Variants in CDA observed in about 807,000 individuals in gnomAD.
CDA encodes the protein cytidine deaminase.
CDA carries 7 observed loss-of-function variants against 15.0 expected under a neutral mutation model. The ratio of observed to expected loss-of-function variants is 0.47; its 90% CI spans 0.26 to 0.87. CDA has a LOEUF of 0.87. Among genes scored for constraint, CDA ranks in the 40% least tolerant of loss-of-function variants. The pLI, the probability that CDA is intolerant of heterozygous loss-of-function variation, is 0.15. For missense variants in CDA, 159 were observed against 182.7 expected (o/e 0.87, Z 0.75); for synonymous variants, 58 against 73.0 (o/e 0.79, Z 1.05).
intron 2 of CDA, among the ~76,000 whole-genome samples, chr1:20,611,320 G>A (rs1184638251): frequency 6.6e-6 from 1 of 152,212 alleles, no homozygotes; most frequent in Non-Finnish European, 1.5e-5. Flanking sequence ...GAAGGATGGT[G>A]GCTGCTGGCT....
intron 2 of CDA, among the ~76,000 whole-genome samples, chr1:20,605,659 CA>C (rs59282672): frequency 0.16 from 16,402 of 102,726 alleles, 3,784 homozygotes; most frequent in African/African-American, 0.24. Flanking sequence ...GACTCCGTCT[CA>C]AAAAAAAAAA....
intron 1 of CDA, among the ~76,000 whole-genome samples, chr1:20,594,182 C>T (rs2052571932): frequency 6.6e-6 from 1 of 152,248 alleles, no homozygotes; most frequent in Admixed American, 6.5e-5. Flanking sequence ...AATTCAAAAG[C>T]AGGCCTGGCT....
intron 3 of CDA, among the ~76,000 whole-genome samples, chr1:20,617,136 T>G (rs2052819860): frequency 6.6e-6 from 1 of 152,138 alleles, no homozygotes; most frequent in African/African-American, 2.4e-5. Flanking sequence ...TCCTGCATTC[T>G]CCCATCCCTA....
intron 1 of CDA, among the ~76,000 whole-genome samples, chr1:20,601,288 A>G (rs1202339449): frequency 1.3e-5 from 2 of 152,204 alleles, no homozygotes; most frequent in African/African-American, 4.8e-5. Context: ...CCACACAGAG[A>G]TGAACTCTGA....
chr1:20,590,217 G>T (rs2101172137), intron 1 of CDA, among the ~76,000 whole-genome samples: 1 of 152,300 alleles, frequency 6.6e-6, no homozygotes, highest in Admixed American at 6.5e-5. Flanking sequence ...CCTGTGAAAG[G>T]AAGGTGATTA....
rs573273006 is a variant in CDA at position 20,598,485 on chromosome 1, C to T, written c.155-6443C>T. Among the ~76,000 whole-genome samples the T allele has an allele frequency of 3.3e-5, 5 of 152,332 alleles. 1 individual carries two copies. In the East Asian group the frequency reaches 9.6e-4, roughly 29 times the overall value. On this transcript the variant is annotated intron_variant, in intron 1 of 3. Transcript: ENST00000375071. Reference sequence around the variant, plus strand: ...CCTAGTCTGGGATATTACGTTACAGCAGCACAAAACGGACTAAAACAGGCT... The same window carrying T: ...CCTAGTCTGGGATATTACGTTACAGTAGCACAAAACGGACTAAAACAGGCT...
chr1:20,592,137 G>C (rs904832445), intron 1 of CDA, among the ~76,000 whole-genome samples: 4 of 152,002 alleles, frequency 2.6e-5, no homozygotes, highest in African/African-American at 9.7e-5. Flanking sequence ...CACCCAGCCA[G>C]CTCACACATT....
intron 1 of CDA, among the ~76,000 whole-genome samples, chr1:20,595,402 A>G (rs1308552265): frequency 2.0e-5 from 3 of 151,748 alleles, no homozygotes; most frequent in Non-Finnish European, 2.9e-5. Context: ...GCCTGGATGC[A>G]TTTTCCTAGA....
At chr1:20,602,874 A>C (rs2052659251) in intron 1 of CDA, among the ~76,000 whole-genome samples, 1 of 152,050 alleles carries the variant, frequency 6.6e-6, no homozygotes, top group African/African-American at 2.4e-5. Context: ...AAGCCTGCCA[A>C]CTCTGGCATT....
intron 1 of CDA, among the ~76,000 whole-genome samples, chr1:20,592,840 C>T (rs1417066799): frequency 6.6e-6 from 1 of 152,228 alleles, no homozygotes; most frequent in Non-Finnish European, 1.5e-5. Flanking sequence ...TGCCAGTAAT[C>T]CCAGTGCTTT....
In CDA at chr1:20,602,426, T is replaced by C. The variant is rs569166502; in HGVS notation, c.155-2502T>C. Among the ~76,000 whole-genome samples, 354 of 152,092 alleles carry C rather than the reference T, an allele frequency of 2.3e-3. 3 individuals are homozygous for C. The highest frequency in any genetic ancestry group is 8.1e-3 in the African/African-American group (338 of 41,474). On this transcript the variant is annotated intron_variant, in intron 1 of 3. Transcript: ENST00000375071. ...ATCACACCCACATCATGGTTTTTTTTTTTTCGTTGTGTTTTGAAATGGAGT... is the reference window on the plus strand; with the variant it reads ...ATCACACCCACATCATGGTTTTTTTCTTTTCGTTGTGTTTTGAAATGGAGT...
chr1:20,589,479 T>A (rs1335383227), intron 1 of CDA, among the ~76,000 whole-genome samples, 196 bp downstream of exon 1: 1 of 152,054 alleles, frequency 6.6e-6, no homozygotes, highest in Non-Finnish European at 1.5e-5. Context: ...AAATCCAGGG[T>A]CTTTCAATGC....
At chr1:20,600,836 G>T (rs2052637654) in intron 1 of CDA, among the ~76,000 whole-genome samples, 1 of 152,016 alleles carries the variant, frequency 6.6e-6, no homozygotes, top group Non-Finnish European at 1.5e-5. Context: ...GACAAGGTGG[G>T]GAGCAAGAGG....
chr1:20,608,440 C>G (rs1021832969), intron 2 of CDA, among the ~76,000 whole-genome samples: 2 of 79,956 alleles, frequency 2.5e-5, no homozygotes, highest in Non-Finnish European at 2.9e-5. Flanking sequence ...GAACAAGTCT[C>G]TCTGTGCCGC....
intron 2 of CDA, among the ~76,000 whole-genome samples, chr1:20,606,321 C>T (rs569267337): frequency 1.1e-3 from 170 of 151,930 alleles, no homozygotes; most frequent in Non-Finnish European, 1.8e-3. Flanking sequence ...AGTGACAGAG[C>T]GAGATTCCGT....
At chr1:20,607,091 G>A (rs563337755) in intron 2 of CDA, among the ~76,000 whole-genome samples, 5 of 152,304 alleles carry the variant, frequency 3.3e-5, no homozygotes, top group Non-Finnish European at 7.3e-5. Context: ...GTTAATTCCT[G>A]TGGTAGAGCT....
rs1464137798 is a variant in CDA, at chr1:20,600,904, G to C, written c.155-4024G>C. 4.6e-5 allele frequency among the ~76,000 whole-genome samples: 7 copies of C among 152,174 alleles called. No individual in the cohort carries two copies. The East Asian group carries it at 1.4e-3, about 29-fold the overall frequency. ...CTCAGCAGAGAGACTGAGCAATAAG[G>C]GGCCAGTTATCTCAGCTATAATAAC... is the stretch of plus-strand genomic sequence containing the variant. On this transcript the variant is annotated intron_variant, in intron 1 of 3. Coordinates refer to ENST00000375071, the MANE Select transcript of CDA (RefSeq NM_001785.3).
At chr1:20,618,372 CAG>C (rs1267803346) in intron 3 of CDA, 78 bp from the exon 4 acceptor site, 2 of 765,284 alleles carry the variant, frequency 2.6e-6, no homozygotes, top group African/African-American at 3.4e-5. Context: ...TAGACAGTGG[CAG>C]AGTCAGACTC....
rs1321947696 is a variant in CDA at position 20,604,988 on chromosome 1, A to G, written c.215A>G (p.Gln72Arg). 1 of 1,614,074 alleles carries G rather than the reference A, an allele frequency of 6.2e-7. No homozygotes were observed. The highest frequency in any genetic ancestry group is 2.2e-5 in the East Asian group (1 of 44,876). The change falls in exon 2 of 4, where the codon CAG becomes CGG. Residue 72 changes from glutamine (Q) to arginine (R), a missense_variant. Physicochemically the swap from Gln to Arg is conservative, Grantham distance 43 (BLOSUM62 1). Transcript: ENST00000375071. Reference sequence around the variant, plus strand: ...ATCTGTGCTGAACGGACCGCTATCCAGAAGGCCGTCTCAGAAGGGTACAAG... The same window carrying G: ...ATCTGTGCTGAACGGACCGCTATCCGGAAGGCCGTCTCAGAAGGGTACAAG... ...LGICAERTAIQKAVSEGYKDF... is the reference protein window; with the variant it reads ...LGICAERTAIRKAVSEGYKDF...
Sources: allele counts gnomAD v4.1 joint callset (sites outside exome capture counted in the v4.1 genomes callset), GRCh38; gene constraint gnomAD v4.1.1; transcripts MANE v1.5; gene names NCBI Gene and HGNC (gene_info 2026-07-23, HGNC 2026-07-21).